The following HEXA variants were observed in gnomAD, a reference collection of about 807,000 sequenced individuals.
HEXA encodes the protein hexosaminidase subunit alpha.
Under a neutral mutation model 73.3 loss-of-function variants are expected in HEXA, and 54 were observed. That is an observed-to-expected ratio of 0.74 (90% CI 0.59 to 0.92). HEXA has a LOEUF of 0.92. HEXA is among the 40% of genes least tolerant of loss of function. HEXA has a pLI of 0.00. For synonymous variants in HEXA, 230 were observed against 246.9 expected, an observed-to-expected ratio of 0.93 and a Z score of 0.64; for missense variants, 649 against 653.0, an observed-to-expected ratio of 0.99 and a Z score of 0.07.
rs774546637 is a variant in HEXA at position 72,355,610 on chromosome 15, T to C, written c.361A>G (p.Asn121Asp). The change falls in exon 3 of 14, where the codon AAT becomes GAT. Residue 121 changes from asparagine to aspartate, a missense_variant. Asn to Asp is a conservative substitution (Grantham distance 23, BLOSUM62 1). Coordinates refer to ENST00000268097, the MANE Select transcript of HEXA (RefSeq NM_000520.6). The stretch of plus-strand genomic sequence containing the variant: ...GAGAGGAGTAAACACTGGTCATCAT[T>C]TATGGTCAGGGTATCTGAAATGACA... ...ESVENYTLTI[N>D]DDQCLLLSET... 1 of 1,611,238 alleles carries C rather than the reference T, an allele frequency of 6.2e-7. No individual in the cohort carries two copies. The highest frequency in any genetic ancestry group is 1.1e-5 in the South Asian group (1 of 91,012).
intron 10 of HEXA, 30 bp downstream of exon 10, chr15:72,347,656 T>C: frequency 6.3e-7 from 1 of 1,586,912 alleles, no homozygotes; most frequent in Middle Eastern, 1.7e-4. Flanking sequence ...GCACTGCTGG[T>C]GGCTTCTTCT....
chr15:72,375,151 C>T (rs1250732611), intron 1 of HEXA, among the ~76,000 whole-genome samples: 2 of 151,348 alleles, frequency 1.3e-5, no homozygotes, highest in African/African-American at 2.4e-5. Flanking sequence ...TGCAGTGGCG[C>T]GATCTCAGCT....
chr15:72,361,340 T>C (rs998376307), intron 1 of HEXA, among the ~76,000 whole-genome samples: 3 of 152,146 alleles, frequency 2.0e-5, no homozygotes, highest in Non-Finnish European at 4.4e-5. Context: ...TCATTCAACT[T>C]CTCCTTTACC....
chr15:72,364,368 A>C (rs1405797612), intron 1 of HEXA, among the ~76,000 whole-genome samples: 1 of 152,192 alleles, frequency 6.6e-6, no homozygotes, highest in Non-Finnish European at 1.5e-5. Context: ...TGAGCTGTAG[A>C]TCTGTTAATG....
chr15:72,353,271 A>G (rs2088726900), intron 4 of HEXA, 93 bp from the exon 5 acceptor site: 1 of 794,596 alleles, frequency 1.3e-6, no homozygotes, highest in East Asian at 2.7e-5. Flanking sequence ...GATTCTTAAA[A>G]AGCCAATCTG....
chr15:72,371,593 A>C (rs2088993724), intron 1 of HEXA, among the ~76,000 whole-genome samples: 1 of 9,176 alleles, frequency 1.1e-4, no homozygotes, highest in Non-Finnish European at 0.019. Context: ...CTCTAAAAGA[A>C]AAAAAAAAAA....
In HEXA at chr15:72,348,098, C is replaced by T. The variant is rs1362243832; in HGVS notation, c.1023G>A (p.Lys341=). Reference sequence around the variant, plus strand: ...GCTTGAAGTCCTCACCGAAGCCTTTCTTCCTCATAAAGTCCTGGATCTCTG... The same window carrying T: ...GCTTGAAGTCCTCACCGAAGCCTTTTTTCCTCATAAAGTCCTGGATCTCTG... ...SNPEIQDFMR[K]KGFGEDFKQL... is the part of the protein sequence containing the mutation. The change falls in exon 9 of 14, where the codon AAG becomes AAA. Residue 341 remains lysine (K), a synonymous_variant. Coordinates refer to ENST00000268097, the MANE Select transcript of HEXA (RefSeq NM_000520.6). 3.1e-6 allele frequency: 5 copies of T among 1,613,668 alleles called. No homozygotes were observed. In the South Asian group the frequency reaches 5.5e-5, roughly 18 times the overall value.
rs563192897 is a variant in HEXA, at chr15:72,375,089, G to C, written c.253+631C>G. Among the ~76,000 whole-genome samples the C allele has an allele frequency of 1.5e-3, 231 of 150,134 alleles. 1 individual carries two copies. The highest frequency in any genetic ancestry group is 2.5e-3 in the Admixed American group (38 of 15,114). ...TTTGTTTTGTTTTGTTTTGTTTGGGGGGGGGGGTTGTTTTTCTGAGAGGGA... is the reference window on the plus strand; with the variant it reads ...TTTGTTTTGTTTTGTTTTGTTTGGGCGGGGGGGTTGTTTTTCTGAGAGGGA... On this transcript the variant is annotated intron_variant, in intron 1 of 13. Coordinates refer to ENST00000268097, the MANE Select transcript of HEXA (RefSeq NM_000520.6).
chr15:72,352,650 T>C (rs928335287), intron 5 of HEXA, among the ~76,000 whole-genome samples: 17 of 141,818 alleles, frequency 1.2e-4, no homozygotes, highest in Admixed American at 1.6e-4. Flanking sequence ...CAGGAGCTCA[T>C]AGAATTACAT....
At position 72,341,525 on chromosome 15, in the gene HEXA, G is replaced by C. The variant is rs781699006; in HGVS notation, c.*2552C>G. On this transcript the variant is annotated 3_prime_UTR_variant, in exon 14 of 14. Coordinates refer to ENST00000268097, the MANE Select transcript of HEXA (RefSeq NM_000520.6). Reference sequence around the variant, plus strand: ...CTGGAATGGGAAGGGGTGGGGGTGGGGAGCGACTGGAGAACTCTTTTCCTA... The same window carrying C: ...CTGGAATGGGAAGGGGTGGGGGTGGCGAGCGACTGGAGAACTCTTTTCCTA... 1 of 151,598 alleles carries C rather than the reference G, an allele frequency of 6.6e-6. No homozygotes were observed. Among genetic ancestry groups the C allele is most frequent in the African/African-American group, 2.4e-5 (1 of 41,212 alleles). The allele number at this position is 151,598 out of a possible 1,614,324, so 9.4% of individuals were successfully genotyped here. A position where few individuals can be genotyped will look rare whatever the true frequency, so the allele number is the denominator to read the frequency against.
rs1267148624 is a variant in HEXA, at chr15:72,343,911, T to C, written c.*166A>G. 1 of 633,486 alleles carries C rather than the reference T, an allele frequency of 1.6e-6. No homozygotes were observed. Among genetic ancestry groups the C allele is most frequent in the Non-Finnish European group, 2.9e-6 (1 of 350,644 alleles). The allele number at this position is 633,486 out of a possible 1,614,324, so 39.2% of individuals were successfully genotyped here. A position where few individuals can be genotyped will look rare whatever the true frequency, so the allele number is the denominator to read the frequency against. ...TTATTATAGAAAAATGCCACATTACTCTTTATTGAATGCGAGCGCCAGCAC... is the reference window on the plus strand; with the variant it reads ...TTATTATAGAAAAATGCCACATTACCCTTTATTGAATGCGAGCGCCAGCAC... On this transcript the variant is annotated 3_prime_UTR_variant, in exon 14 of 14. Transcript: ENST00000268097.
chr15:72,347,637 C>T, intron 10 of HEXA, 49 bp downstream of exon 10: 1 of 1,462,752 alleles, frequency 6.8e-7, no homozygotes, highest in Admixed American at 1.7e-5. Flanking sequence ...CTGGGGAGAC[C>T]AGAGGGAGGC....
At chr15:72,353,249 C>T in intron 4 of HEXA, 71 bp from the exon 5 acceptor site, 1 of 890,948 alleles carries the variant, frequency 1.1e-6, no homozygotes. Context: ...GAGATGAAGA[C>T]AACTCTCCCA....
At position 72,351,145 on chromosome 15, in the gene HEXA, C is replaced by T. The variant is rs2140324649; in HGVS notation, c.660G>A (p.Glu220=). The part of the protein sequence containing the change: ...SFPYESFTFP[E]LMRKGSYNPV... ...AACGGGAACATACCTTTCTCATGAG[C>T]TCTGGAAAAGTGAAGCTCTCATATG... Residue 220 remains glutamate (E), a synonymous_variant, in exon 6 of 14, where the codon GAG becomes GAA. Coordinates refer to ENST00000268097, the MANE Select transcript of HEXA (RefSeq NM_000520.6). The T allele has an allele frequency of 2.5e-6, 4 of 1,603,468 alleles. No homozygotes were observed. In the South Asian group the frequency reaches 4.4e-5, roughly 18 times the overall value.
rs774967373 is a variant in HEXA, at chr15:72,375,961, G to A, written c.12C>T (p.Ser4=). The stretch of plus-strand genomic sequence containing the variant: ...CCAGCAGCAGCGAAAACCAAAGCCT[G>A]GAGCTTGTCATGGCCCGCTGGTCTC... MTS[S]RLWFSLLLAA... The change falls in exon 1 of 14, where the codon TCC becomes TCT. Residue 4 remains serine, a synonymous_variant. Coordinates refer to ENST00000268097, the MANE Select transcript of HEXA (RefSeq NM_000520.6). 2.5e-6 allele frequency: 4 copies of A among 1,613,890 alleles called. No homozygotes were observed. Among genetic ancestry groups the A allele is most frequent in the Non-Finnish European group, 3.4e-6 (4 of 1,180,024 alleles).
chr15:72,357,682 T>G (rs2088803545), intron 1 of HEXA: 1 of 152,142 alleles, frequency 6.6e-6, no homozygotes, highest in African/African-American at 2.4e-5. Flanking sequence ...CAGAAGGCAA[T>G]GAGAGAATTC....
In HEXA at chr15:72,375,825, C is replaced by G. The variant is rs757285705; in HGVS notation, c.148G>C (p.Val50Leu). ...YPNNFQFQYDVSSAAQPGCSV... is the reference protein window; with the variant it reads ...YPNNFQFQYDLSSAAQPGCSV... The stretch of plus-strand genomic sequence containing the variant: ...CAGCCGGGCTGCGCGGCCGAGCTGA[C>G]ATCGTACTGGAATTGAAAGTTGTTC... The change falls in exon 1 of 14, where the codon GTC becomes CTC. Residue 50 changes from valine (V) to leucine (L), a missense_variant. Transcript: ENST00000268097. 6.2e-7 allele frequency: 1 copy of G among 1,614,164 alleles called. No individual in the cohort carries two copies. The highest frequency in any genetic ancestry group is 1.3e-5 in the African/African-American group (1 of 74,958).
rs370680843 is a variant in HEXA at position 72,375,701 on chromosome 15, C to A, written c.253+19G>T. Reference sequence around the variant, plus strand: ...GCACTCTCAGGGCCCAGGAACAGGGCGGGACAAGTCCGACTCACCTGTGAG... The same window carrying A: ...GCACTCTCAGGGCCCAGGAACAGGGAGGGACAAGTCCGACTCACCTGTGAG... On this transcript the variant is annotated intron_variant, in intron 1 of 13. Coordinates refer to ENST00000268097, the MANE Select transcript of HEXA (RefSeq NM_000520.6). 43 of 1,613,806 alleles carry A rather than the reference C, an allele frequency of 2.7e-5. No individual in the cohort carries two copies. The highest frequency in any genetic ancestry group is 3.6e-5 in the Non-Finnish European group (42 of 1,179,888).
chr15:72,345,715 G>C lies in HEXA; in HGVS notation c.1422-165C>G, dbSNP rs2088603942. 3.8e-6 allele frequency: 4 copies of C among 1,060,958 alleles called. No individual in the cohort carries two copies. In the East Asian group the frequency reaches 1.0e-4, roughly 28 times the overall value. 65.7% of individuals were successfully genotyped at this position (1,060,958 alleles called of 1,614,324 possible). ...ACAGCCAGGTTGGATGGCTCCCAGA[G>C]AGTTCTACGGCTCAGCTCCACCTTC... On this transcript the variant is annotated intron_variant, in intron 12 of 13. Coordinates refer to ENST00000268097, the MANE Select transcript of HEXA (RefSeq NM_000520.6).
Sources: allele counts gnomAD v4.1 joint callset (sites outside exome capture counted in the v4.1 genomes callset), GRCh38; gene constraint gnomAD v4.1.1; transcripts MANE v1.5; gene names NCBI Gene and HGNC (gene_info 2026-07-23, HGNC 2026-07-21).